The following SPECC1L variants were observed in gnomAD, a reference collection of about 807,000 sequenced individuals.
The protein encoded by SPECC1L is cytospin-A.
In SPECC1L, 40 loss-of-function variants were observed where a neutral mutation model predicts 116.8. The observed-to-expected ratio is 0.34, with a 90% CI of 0.27 to 0.45. The LOEUF is 0.45. SPECC1L is among the 20% of genes least tolerant of loss of function. The probability of loss-of-function intolerance (pLI) is 1.00; values close to 1 mark genes in which losing one functional copy is unlikely to be tolerated. For missense variants in SPECC1L, 1,110 were observed against 1,373.6 expected (o/e 0.81, Z 3.03); for synonymous variants, 504 against 500.6 (o/e 1.01, Z -0.09).
chr22:24,367,109 G>A (rs1442669259), intron 13 of SPECC1L, among the ~76,000 whole-genome samples: 2 of 152,184 alleles, frequency 1.3e-5, no homozygotes, highest in African/African-American at 2.4e-5. Context: ...CCCTAGAATC[G>A]CTTGAACCTG....
At chr22:24,311,141 A>C (rs2040453423) in intron 3 of SPECC1L, among the ~76,000 whole-genome samples, 1 of 152,188 alleles carries the variant, frequency 6.6e-6, no homozygotes, top group Non-Finnish European at 1.5e-5. Context: ...TAATCATTAT[A>C]AGTGCAAAGT....
At chr22:24,351,390 G>C (rs2041419755) in intron 11 of SPECC1L, among the ~76,000 whole-genome samples, 1 of 152,172 alleles carries the variant, frequency 6.6e-6, no homozygotes, top group Non-Finnish European at 1.5e-5. Flanking sequence ...AGGTCTGTAG[G>C]CCAAGGTTAT....
intron 1 of SPECC1L, among the ~76,000 whole-genome samples, chr22:24,271,691 T>C (rs2048730698): frequency 1.3e-5 from 2 of 152,220 alleles, no homozygotes. Flanking sequence ...GAAATCAGTT[T>C]CCAGTAGTTT....
At chr22:24,281,826 A>G (rs2048949328) in intron 2 of SPECC1L, among the ~76,000 whole-genome samples, 1 of 152,226 alleles carries the variant, frequency 6.6e-6, no homozygotes, top group South Asian at 2.1e-4. Context: ...CATAATGAAT[A>G]GAAGTGTAAC....
chr22:24,304,019 A>G (rs1045042510), intron 3 of SPECC1L, among the ~76,000 whole-genome samples: 1 of 152,126 alleles, frequency 6.6e-6, no homozygotes, highest in Non-Finnish European at 1.5e-5. Context: ...GAAGGAAAGA[A>G]GAAAATAGTG....
intron 11 of SPECC1L, among the ~76,000 whole-genome samples, chr22:24,360,108 T>C (rs2041614167): frequency 6.6e-6 from 1 of 152,230 alleles, no homozygotes; most frequent in Non-Finnish European, 1.5e-5. Flanking sequence ...CAAGAATAGC[T>C]TTACATGGCA....
At chr22:24,395,245 C>T (rs2042345025) in intron 14 of SPECC1L, among the ~76,000 whole-genome samples, 2 of 152,152 alleles carry the variant, frequency 1.3e-5, no homozygotes, top group Non-Finnish European at 2.9e-5. Flanking sequence ...CGATTTTCTC[C>T]TGAAAGTATA....
At chr22:24,379,522 G>T (rs187765782) in intron 14 of SPECC1L, among the ~76,000 whole-genome samples, 192 of 152,156 alleles carry the variant, frequency 1.3e-3, no homozygotes, top group African/African-American at 4.0e-3. Flanking sequence ...TTAATATATA[G>T]AGAGAAATAT....
At chr22:24,289,535 C>A (rs2049117314) in intron 2 of SPECC1L, among the ~76,000 whole-genome samples, 1 of 152,012 alleles carries the variant, frequency 6.6e-6, no homozygotes, top group Non-Finnish European at 1.5e-5. Flanking sequence ...TAAAAAAATC[C>A]AGGAAGCTTC....
intron 3 of SPECC1L, among the ~76,000 whole-genome samples, chr22:24,308,524 C>T (rs1276610522): frequency 6.6e-6 from 1 of 152,190 alleles, no homozygotes; most frequent in Non-Finnish European, 1.5e-5. Flanking sequence ...AGATGGCTTC[C>T]ATGTTTTCCA....
Position 24,416,590 on chromosome 22 carries a change from G to C in SPECC1L, c.*1967G>C, listed in dbSNP as rs1419200859. 6.6e-6 allele frequency: 1 copy of C among 152,294 alleles called. No homozygotes were observed. Among genetic ancestry groups the C allele is most frequent in the South Asian group, 2.1e-4 (1 of 4,836 alleles). The allele number at this position is 152,294 out of a possible 1,614,324, so 9.4% of individuals were successfully genotyped here. A position where few individuals can be genotyped will look rare whatever the true frequency, so the allele number is the denominator to read the frequency against. On this transcript the variant is annotated 3_prime_UTR_variant, in exon 17 of 17. Transcript: ENST00000314328. ...CCACTCCACCTGTCCGGATCCAGCT[G>C]TCTGGTCATGGTTTGGTTTATTTAT...
chr22:24,399,373 A>T (rs1325677039), intron 14 of SPECC1L, among the ~76,000 whole-genome samples: 1 of 152,186 alleles, frequency 6.6e-6, no homozygotes, highest in Non-Finnish European at 1.5e-5. Context: ...GATCGAGACC[A>T]TCCTGGCTAA....
At chr22:24,405,881 A>T (rs1014513445) in intron 14 of SPECC1L, among the ~76,000 whole-genome samples, 4 of 151,536 alleles carry the variant, frequency 2.6e-5, no homozygotes, top group Middle Eastern at 3.5e-3. Context: ...AGCACATTAC[A>T]GTTTCAGTAG....
rs201731538 is a variant in SPECC1L, at chr22:24,321,835, T to C, written c.855T>C (p.Ser285=). ...GFSLEQRLDN[S]EKLFGYQSLS... The stretch of plus-strand genomic sequence containing the variant: ...CCCTAGAGCAGAGGTTAGACAATTC[T>C]GAAAAACTGTTTGGCTATCAGTCCC... Residue 285 remains serine, a synonymous_variant, in exon 5 of 17, where the codon TCT becomes TCC. Coordinates refer to ENST00000314328, the MANE Select transcript of SPECC1L (RefSeq NM_015330.6). The C allele has an allele frequency of 2.4e-5, 39 of 1,614,224 alleles. No individual in the cohort carries two copies. Among genetic ancestry groups the C allele is most frequent in the Non-Finnish European group, 3.2e-5 (38 of 1,180,038 alleles).
chr22:24,365,789 G>A (rs2041751549), intron 13 of SPECC1L, among the ~76,000 whole-genome samples, 157 bp downstream of exon 13: 1 of 150,726 alleles, frequency 6.6e-6, no homozygotes, highest in African/African-American at 2.4e-5. Flanking sequence ...TTGAGTAAAT[G>A]GTATAGAAGA....
intron 3 of SPECC1L, among the ~76,000 whole-genome samples, chr22:24,307,227 C>G (rs1334768859): frequency 6.6e-6 from 1 of 152,166 alleles, no homozygotes; most frequent in Non-Finnish European, 1.5e-5. Context: ...AAGGAACTGC[C>G]TATTGTTTCT....
At chr22:24,385,702 ACT>A (rs767315195) in intron 14 of SPECC1L, among the ~76,000 whole-genome samples, 4 of 152,246 alleles carry the variant, frequency 2.6e-5, no homozygotes, top group Non-Finnish European at 4.4e-5. Context: ...CTTTAGAGGC[ACT>A]GAGAGCATAT....
Position 24,324,431 on chromosome 22 carries a change from A to G in SPECC1L, c.2146+4A>G. ...CTCATTATTTCTGATCTAGAGAGTA[A>G]GTGATAAGAACTTTTCATTCTTTTT... On this transcript the variant is annotated splice_donor_region_variant and intron_variant, in intron 6 of 16. Transcript: ENST00000314328. 2 of 1,609,936 alleles carry G rather than the reference A, an allele frequency of 1.2e-6. No individual in the cohort carries two copies. Among genetic ancestry groups the G allele is most frequent in the African/African-American group, 2.7e-5 (2 of 74,962 alleles).
intron 14 of SPECC1L, among the ~76,000 whole-genome samples, chr22:24,399,624 TTTTG>T (rs1261332705): frequency 1.3e-5 from 2 of 151,896 alleles, no homozygotes; most frequent in Non-Finnish European, 2.9e-5. Context: ...ATACTATAGA[TTTTG>T]TTTTTGTGAA....
Sources: gnomAD v4.1 joint callset for allele counts (sites outside exome capture counted in the v4.1 genomes callset) on GRCh38, gnomAD v4.1.1 for gene constraint, MANE v1.5 for transcripts, NCBI Gene and HGNC (gene_info 2026-07-23, HGNC 2026-07-21) for gene names.